ZFAND6: variants seen among roughly 807,000 people sequenced by gnomAD.
ZFAND6 encodes AN1-type zinc finger protein 6.
ZFAND6 carries 12 observed loss-of-function variants against 24.5 expected under a neutral mutation model. That is an observed-to-expected ratio of 0.49 (90% CI 0.31 to 0.79). The LOEUF is 0.79. Among genes scored for constraint, ZFAND6 ranks in the 30% least tolerant of loss-of-function variants. The pLI, the probability that ZFAND6 is intolerant of heterozygous loss-of-function variation, is 0.04. For missense variants in ZFAND6, 207 were observed against 245.9 expected, an observed-to-expected ratio of 0.84 and a Z score of 1.06; for synonymous variants, 92 against 81.5, an observed-to-expected ratio of 1.13 and a Z score of -0.69.
At chr15:80,074,172 CA>C (rs1201979700) in intron 1 of ZFAND6, among the ~76,000 whole-genome samples, 1 of 151,888 alleles carries the variant, frequency 6.6e-6, no homozygotes, top group Non-Finnish European at 1.5e-5. Context: ...AGCCTATTTT[CA>C]ACACCACTTT....
At chr15:80,098,378 A>G (rs914486348) in intron 1 of ZFAND6, 38 bp from the exon 2 acceptor site, 6 of 152,212 alleles carry the variant, frequency 3.9e-5, no homozygotes, top group Non-Finnish European at 7.4e-5. Context: ...CGTAAATTTT[A>G]TATGTCTCAA....
At chr15:80,113,875 A>G (rs959317230) in intron 2 of ZFAND6, among the ~76,000 whole-genome samples, 2 of 152,058 alleles carry the variant, frequency 1.3e-5, no homozygotes, top group African/African-American at 4.8e-5. Context: ...AAGTGCCCCA[A>G]AAGAGTGGTA....
intron 1 of ZFAND6, among the ~76,000 whole-genome samples, chr15:80,065,794 C>G (rs951698358): frequency 6.6e-6 from 1 of 151,978 alleles, no homozygotes; most frequent in Non-Finnish European, 1.5e-5. Flanking sequence ...ATCTACCCAC[C>G]TCGGCCTCCC....
intron 1 of ZFAND6, among the ~76,000 whole-genome samples, chr15:80,065,320 C>T (rs2036561902): frequency 6.6e-6 from 1 of 150,394 alleles, no homozygotes; most frequent in African/African-American, 2.4e-5. Flanking sequence ...ATGTTAAATG[C>T]ACATCTTCTT....
At chr15:80,075,870 C>G (rs1477326035) in intron 1 of ZFAND6, among the ~76,000 whole-genome samples, 1 of 152,118 alleles carries the variant, frequency 6.6e-6, no homozygotes, top group Non-Finnish European at 1.5e-5. Flanking sequence ...CCATCTATCC[C>G]TGTTTATACC....
At chr15:80,122,913 C>T (rs2040210219) in intron 5 of ZFAND6, 113 bp downstream of exon 5, 2 of 624,324 alleles carry the variant, frequency 3.2e-6, no homozygotes, top group Non-Finnish European at 5.3e-6. Context: ...TTCTGTTTTC[C>T]CTATGAACAC....
intron 2 of ZFAND6, among the ~76,000 whole-genome samples, chr15:80,111,198 A>T (rs1231969657): frequency 6.6e-6 from 1 of 152,222 alleles, no homozygotes; most frequent in African/African-American, 2.4e-5. Context: ...ATAACTCCAT[A>T]TAAATCATGT....
intron 5 of ZFAND6, chr15:80,130,256 G>A (rs1013641702): frequency 2.0e-5 from 3 of 152,122 alleles, no homozygotes; most frequent in African/African-American, 4.8e-5. Context: ...TTTGACCTTG[G>A]TCTTGAAAAA....
intron 2 of ZFAND6, among the ~76,000 whole-genome samples, chr15:80,112,052 C>A (rs1171920823): frequency 6.6e-6 from 1 of 152,096 alleles, no homozygotes; most frequent in African/African-American, 2.4e-5. Context: ...CTGAGGTCAG[C>A]AGTTCGAGAC....
chr15:80,076,589 A>G (rs1306574416), intron 1 of ZFAND6, among the ~76,000 whole-genome samples: 1 of 152,206 alleles, frequency 6.6e-6, no homozygotes, highest in Non-Finnish European at 1.5e-5. Context: ...TGTGCTAAAC[A>G]TTCTCTCAGA....
chr15:80,104,707 T>G (rs1379259110), intron 2 of ZFAND6, among the ~76,000 whole-genome samples: 1 of 152,262 alleles, frequency 6.6e-6, no homozygotes, highest in Non-Finnish European at 1.5e-5. Flanking sequence ...TTTGTTTTTC[T>G]TAAGTAGTCA....
At position 80,070,724 on chromosome 15, in the gene ZFAND6, G is replaced by A. The variant is rs114876742; in HGVS notation, c.-181+10915G>A. 7.0e-3 allele frequency among the ~76,000 whole-genome samples: 1,067 copies of A among 152,180 alleles called. 13 individuals are homozygous for A. The highest frequency in any genetic ancestry group is 0.024 in the African/African-American group (987 of 41,522). On this transcript the variant is annotated intron_variant, in intron 1 of 6. Coordinates refer to ENST00000261749, the MANE Select transcript of ZFAND6 (RefSeq NM_019006.4). ...TTCGAAGTGAAAAATTGATGCGAGA[G>A]CAAAGGTTTATTTGGTTTCCATAAC...
intron 1 of ZFAND6, chr15:80,073,132 TTTTAA>T (rs1477490418): frequency 2.4e-5 from 4 of 169,934 alleles, no homozygotes; most frequent in Non-Finnish European, 3.9e-5. Context: ...TTTCAGTATA[TTTTAA>T]TTTAACAATA....
At chr15:80,130,586 G>A (rs2040555087) in intron 5 of ZFAND6, 1 of 152,208 alleles carries the variant, frequency 6.6e-6, no homozygotes, top group African/African-American at 2.4e-5. Flanking sequence ...CCGAATCTTG[G>A]TAAATCTGGC....
At chr15:80,126,903 A>G (rs1388453596) in intron 5 of ZFAND6, among the ~76,000 whole-genome samples, 1 of 152,140 alleles carries the variant, frequency 6.6e-6, no homozygotes, top group East Asian at 1.9e-4. Flanking sequence ...ACTTGAGCTC[A>G]AGAGTTTGAA....
chr15:80,134,872 C>CT (rs2040784438), intron 6 of ZFAND6, among the ~76,000 whole-genome samples: 1 of 152,222 alleles, frequency 6.6e-6, no homozygotes, highest in Admixed American at 6.5e-5. Context: ...TTCAAGACTG[C>CT]TTTTCACTTC....
intron 1 of ZFAND6, among the ~76,000 whole-genome samples, chr15:80,064,121 T>C (rs2036482365): frequency 6.6e-6 from 1 of 152,252 alleles, no homozygotes; most frequent in African/African-American, 2.4e-5. Flanking sequence ...TTTTTTCTTA[T>C]TATTATAAGT....
intron 1 of ZFAND6, among the ~76,000 whole-genome samples, chr15:80,082,049 A>C (rs2037701168): frequency 1.3e-5 from 2 of 152,238 alleles, no homozygotes; most frequent in South Asian, 4.1e-4. Flanking sequence ...AGGGAGTAAT[A>C]GATTCTGGAT....
intron 2 of ZFAND6, among the ~76,000 whole-genome samples, chr15:80,118,661 T>A (rs376798468): frequency 1.3e-5 from 2 of 152,256 alleles, no homozygotes; most frequent in South Asian, 4.1e-4. Context: ...AAAGGTGGGA[T>A]TCTGAAATGA....
Sources: gnomAD v4.1 joint callset for allele counts (sites outside exome capture counted in the v4.1 genomes callset) on GRCh38, gnomAD v4.1.1 for gene constraint, MANE v1.5 for transcripts, NCBI Gene and HGNC (gene_info 2026-07-23, HGNC 2026-07-21) for gene names.